The following CRHR2 variants were observed in gnomAD, a reference collection of about 807,000 sequenced individuals.
The protein encoded by CRHR2 is corticotropin-releasing hormone receptor 2.
In CRHR2, 53 loss-of-function variants were observed where a neutral mutation model predicts 57.9. The observed-to-expected ratio is 0.92, with a 90% CI of 0.73 to 1.15. CRHR2 has a LOEUF of 1.15. Ranked by LOEUF, CRHR2 falls within the 50% of genes most tolerant of loss-of-function variation. CRHR2 has a pLI of 0.00. For missense variants in CRHR2, 532 were observed against 542.6 expected (o/e 0.98, Z 0.19); for synonymous variants, 213 against 220.9 (o/e 0.96, Z 0.32).
Position 30,653,501 on chromosome 7 carries a change from G to C in CRHR2, c.1195C>G (p.Arg399Gly). ...TGCTTGATGCTGTGGAAGCTGATCC[G>C]TGTGGGTGATGTAGGGATGGACATG... ...RAMSIPTSPT[R>G]ISFHSIKQTA... The change falls in exon 12 of 12, where the codon CGG becomes GGG. Residue 399 changes from arginine to glycine, a missense_variant. Coordinates refer to ENST00000471646, the MANE Select transcript of CRHR2 (RefSeq NM_001883.5). The surrounding 1 kb of genome is among the most constrained non-coding windows in gnomAD (Gnocchi z 5.0). 2 of 1,613,618 alleles carry C rather than the reference G, an allele frequency of 1.2e-6. No individual in the cohort carries two copies. Among genetic ancestry groups the C allele is most frequent in the Non-Finnish European group, 1.7e-6 (2 of 1,179,950 alleles).
In CRHR2 at chr7:30,665,933, G is replaced by C. The variant is rs1014840768; in HGVS notation, c.316-294C>G. On this transcript the variant is annotated intron_variant, in intron 3 of 11. Coordinates refer to ENST00000471646, the MANE Select transcript of CRHR2 (RefSeq NM_001883.5). The surrounding 1 kb of genome is among the most constrained non-coding windows in gnomAD (Gnocchi z 4.5). ...GGCTATTCACAGGTGTGATCACAGT[G>C]CACCGCAGCCTTGATCTGCAGGCCT... is the stretch of plus-strand genomic sequence containing the variant. Among the ~76,000 whole-genome samples, 9 of 152,128 alleles carry C rather than the reference G, an allele frequency of 5.9e-5. No individual in the cohort carries two copies. The highest frequency in any genetic ancestry group is 2.2e-4 in the African/African-American group (9 of 41,406).
intron 8 of CRHR2, among the ~76,000 whole-genome samples, chr7:30,657,083 T>TCACA (rs55909312): frequency 0.1 from 14,554 of 145,514 alleles, 734 homozygotes; most frequent in South Asian, 0.2. Flanking sequence ...ACACACCCAC[T>TCACA]CACACACACA....
At chr7:30,680,734 C>A (rs967752396) in intron 2 of CRHR2, among the ~76,000 whole-genome samples, 1 of 151,992 alleles carries the variant, frequency 6.6e-6, no homozygotes, top group Non-Finnish European at 1.5e-5. Context: ...CAGGAGAGTG[C>A]GGCTTGGCAT....
In CRHR2 at chr7:30,656,026, G is replaced by A. The variant is rs775065972; in HGVS notation, c.832-14C>T. On this transcript the variant is annotated splice_polypyrimidine_tract_variant and intron_variant, in intron 8 of 11. Coordinates refer to ENST00000471646, the MANE Select transcript of CRHR2 (RefSeq NM_001883.5). This position sits in a 1 kb window ranked among gnomAD's most constrained non-coding sequence, Gnocchi z 4.4. ...TACGAAATTGATCTGGAGGGAGGGC[G>A]GGCATGGGAAAGAGGGAAAAGGAAG... The A allele has an allele frequency of 1.5e-5, 24 of 1,606,980 alleles. No homozygotes were observed. Among genetic ancestry groups the A allele is most frequent in the South Asian group, 2.2e-5 (2 of 90,948 alleles).
At chr7:30,691,995 A>T (rs1784970377) in intron 1 of CRHR2, among the ~76,000 whole-genome samples, 1 of 152,170 alleles carries the variant, frequency 6.6e-6, no homozygotes, top group Admixed American at 6.5e-5. Context: ...TAGAGTGCAC[A>T]CATCCCAGTG....
intron 1 of CRHR2, among the ~76,000 whole-genome samples, chr7:30,695,946 A>G (rs1237796286): frequency 6.6e-6 from 1 of 152,216 alleles, no homozygotes; most frequent in Non-Finnish European, 1.5e-5. Context: ...GAGGTGCATC[A>G]GTGCCCATGA....
chr7:30,687,305 T>C (rs1490000189), upstream of CRHR2, among the ~76,000 whole-genome samples: 4 of 152,092 alleles, frequency 2.6e-5, no homozygotes, highest in Non-Finnish European at 5.9e-5. Context: ...GGGTGATGCA[T>C]CCCCAGAGTG....
At chr7:30,657,986 A>G (rs1373782362) in intron 8 of CRHR2, among the ~76,000 whole-genome samples, 1 of 152,194 alleles carries the variant, frequency 6.6e-6, no homozygotes, top group Middle Eastern at 3.2e-3. Flanking sequence ...CCATCCGTCT[A>G]TCCATTCATC....
At chr7:30,662,409 C>T (rs1052793937) in intron 6 of CRHR2, among the ~76,000 whole-genome samples, 193 bp from the exon 7 acceptor site, 5 of 152,132 alleles carry the variant, frequency 3.3e-5, no homozygotes, top group Admixed American at 1.3e-4. Context: ...AGCAGGGCTG[C>T]GTGATTTTGT....
At chr7:30,670,990 G>C (rs562844313) in intron 2 of CRHR2, among the ~76,000 whole-genome samples, 1 of 152,158 alleles carries the variant, frequency 6.6e-6, no homozygotes, top group Non-Finnish European at 1.5e-5. Context: ...GGCTCTCCCC[G>C]TTTCAGATGC....
chr7:30,695,351 G>C (rs574772847), intron 1 of CRHR2, among the ~76,000 whole-genome samples: 45 of 152,154 alleles, frequency 3.0e-4, no homozygotes, highest in African/African-American at 1.1e-3. Context: ...GTCTGTGCTC[G>C]GCCAAGTTCG....
intron 2 of CRHR2, among the ~76,000 whole-genome samples, chr7:30,677,561 T>C (rs547473871): frequency 6.6e-6 from 1 of 152,326 alleles, no homozygotes; most frequent in East Asian, 1.9e-4. Context: ...GTTCGGAGAA[T>C]CCTGGGGTAA....
intron 2 of CRHR2, among the ~76,000 whole-genome samples, chr7:30,675,474 T>C (rs1784489243): frequency 6.6e-6 from 1 of 152,256 alleles, no homozygotes; most frequent in Non-Finnish European, 1.5e-5. Context: ...CAGAGTATTC[T>C]GGTCCTGTGC....
Position 30,655,882 on chromosome 7 carries a change from C to T in CRHR2, c.917+45G>A, listed in dbSNP as rs550290335. Reference sequence around the variant, plus strand: ...AGGAAGCAGGGGGACGGCCCGATGACCTCCTCCTGTCCCCATTGTGGGGTC... The same window carrying T: ...AGGAAGCAGGGGGACGGCCCGATGATCTCCTCCTGTCCCCATTGTGGGGTC... On this transcript the variant is annotated intron_variant, in intron 9 of 11. Coordinates refer to ENST00000471646, the MANE Select transcript of CRHR2 (RefSeq NM_001883.5). The T allele has an allele frequency of 2.2e-5, 35 of 1,607,352 alleles. No homozygotes were observed. The East Asian group carries it at 7.4e-4, about 34-fold the overall frequency.
rs571895989 is a variant in CRHR2, at chr7:30,679,641, C to T, written c.229+2274G>A. Among the ~76,000 whole-genome samples, 6 of 152,274 alleles carry T rather than the reference C, an allele frequency of 3.9e-5. No individual in the cohort carries two copies. The South Asian group carries it at 1.2e-3, about 32-fold the overall frequency. ...GATTCCTGCTCTCTAAGGAATGAGG[C>T]TTCAATGCGGGTTTGGCTATAGCAT... On this transcript the variant is annotated intron_variant, in intron 2 of 11. Coordinates refer to ENST00000471646, the MANE Select transcript of CRHR2 (RefSeq NM_001883.5).
intron 1 of CRHR2, among the ~76,000 whole-genome samples, chr7:30,693,803 G>C (rs1426223409): frequency 6.6e-6 from 1 of 152,238 alleles, no homozygotes; most frequent in East Asian, 1.9e-4. Flanking sequence ...CACCCAGTTG[G>C]GGTCCCCAGA....
At chr7:30,691,856 A>T (rs1784967330) in intron 1 of CRHR2, among the ~76,000 whole-genome samples, 1 of 152,118 alleles carries the variant, frequency 6.6e-6, no homozygotes, top group Admixed American at 6.5e-5. Flanking sequence ...GGTGGTGGTG[A>T]TGGGTGGGCA....
At position 30,662,607 on chromosome 7, in the gene CRHR2, C is replaced by T. The variant is rs561941326; in HGVS notation, c.697+87G>A. ...GCTGGGGGTGGAGGGCAGGGCCAGGCTCTGGTCCTTGGACCCAAGACGAAG... is the reference window on the plus strand; with the variant it reads ...GCTGGGGGTGGAGGGCAGGGCCAGGTTCTGGTCCTTGGACCCAAGACGAAG... On this transcript the variant is annotated intron_variant, in intron 6 of 11. Transcript: ENST00000471646. 8 of 1,515,574 alleles carry T rather than the reference C, an allele frequency of 5.3e-6. No homozygotes were observed. In the African/African-American group the frequency reaches 1.1e-4, roughly 21 times the overall value. 93.9% of individuals were successfully genotyped at this position (1,515,574 alleles called of 1,614,324 possible).
In CRHR2 at chr7:30,656,482, C is replaced by CAAGGCA. The variant is rs1035151697; in HGVS notation, c.832-471_832-470insTGCCTT. On this transcript the variant is annotated intron_variant, in intron 8 of 11. Coordinates refer to ENST00000471646, the MANE Select transcript of CRHR2 (RefSeq NM_001883.5). The surrounding 1 kb of genome is among the most constrained non-coding windows in gnomAD (Gnocchi z 4.4). ...GACAGCACTGCCATGGTGGGGCGGA[C>CAAGGCA]AAGGCCAGATGGAGGGATTAAGAAC... Among the ~76,000 whole-genome samples, 16 of 152,276 alleles carry CAAGGCA rather than the reference C, an allele frequency of 1.1e-4. No homozygotes were observed. The highest frequency in any genetic ancestry group is 6.5e-4 in the Admixed American group (10 of 15,308).
Sources: allele counts gnomAD v4.1 joint callset (sites outside exome capture counted in the v4.1 genomes callset), GRCh38; gene constraint gnomAD v4.1.1; non-coding constraint Gnocchi (gnomAD v3.1); transcripts MANE v1.5; gene names NCBI Gene and HGNC (gene_info 2026-07-23, HGNC 2026-07-21).